The following COL2A1 variants were observed in gnomAD, a reference collection of about 807,000 sequenced individuals.
COL2A1 encodes collagen type II alpha 1 chain.
COL2A1 carries 28 observed loss-of-function variants against 204.5 expected under a neutral mutation model. The ratio of observed to expected loss-of-function variants is 0.14; its 90% CI spans 0.10 to 0.19. COL2A1 has a LOEUF of 0.19. Among genes scored for constraint, COL2A1 ranks in the 10% least tolerant of loss-of-function variants. The pLI, the probability that COL2A1 is intolerant of heterozygous loss-of-function variation, is 1.00. For synonymous variants in COL2A1, 708 were observed against 718.7 expected (o/e 0.99, Z 0.24); for missense variants, 1,388 against 2,027.5 (o/e 0.68, Z 6.06).
At chr12:47,974,517 G>T (rs908185469) in intron 52 of COL2A1, among the ~76,000 whole-genome samples, 158 bp downstream of exon 52, 1 of 151,992 alleles carries the variant, frequency 6.6e-6, no homozygotes, top group African/African-American at 2.4e-5. Context: ...CCACCTCCAC[G>T]TGGGGAAAAA....
Position 47,993,855 on chromosome 12 carries a change from G to A in COL2A1, c.878C>T (p.Pro293Leu). ...CTCTCCCTTAGCACCGTCCAGGCCT[G>A]GATAACCCTAGGGAACAAGAGAAAA... ...LPGVKGHRGY[P>L]GLDGAKGEAG... The change falls in exon 14 of 54, where the codon CCA (proline) becomes CTA (leucine). Residue 293 changes from proline (P) to leucine (L), a missense_variant. Pro to Leu is a moderately conservative substitution (Grantham distance 98). This residue lies in a region of COL2A1 where 884 missense variants were observed against 1,415.8 expected (regional missense o/e 0.62). Transcript: ENST00000380518. 6.2e-7 allele frequency: 1 copy of A among 1,614,148 alleles called. No individual in the cohort carries two copies. Among genetic ancestry groups the A allele is most frequent in the Non-Finnish European group, 8.5e-7 (1 of 1,180,022 alleles).
intron 1 of COL2A1, chr12:48,003,111 T>C (rs1333542763): frequency 6.6e-6 from 1 of 151,970 alleles, no homozygotes; most frequent in Non-Finnish European, 1.5e-5. Flanking sequence ...GAAAAAAAAA[T>C]CCTCTCTACC....
At chr12:47,990,532 GC>G (rs1215031725) in intron 16 of COL2A1, among the ~76,000 whole-genome samples, 1 of 152,144 alleles carries the variant, frequency 6.6e-6, no homozygotes, top group Non-Finnish European at 1.5e-5. Context: ...CTTGGTTAAG[GC>G]CTCCTCTTGG....
intron 1 of COL2A1, among the ~76,000 whole-genome samples, chr12:48,003,867 G>A (rs1940347597): frequency 6.6e-6 from 1 of 152,198 alleles, no homozygotes; most frequent in Non-Finnish European, 1.5e-5. Flanking sequence ...TGCTGAACTC[G>A]AAGTGCTTCG....
Position 47,982,482 on chromosome 12 carries a change from G to T in COL2A1, c.2301+20C>A. The T allele has an allele frequency of 6.3e-7, 1 of 1,589,158 alleles. No homozygotes were observed. The highest frequency in any genetic ancestry group is 1.3e-5 in the African/African-American group (1 of 74,622). The stretch of plus-strand genomic sequence containing the variant: ...GGCAAAGCCACAGCTTTGGTGAGAG[G>T]CTGTAACCTCAGTACTTACCCTGTC... On this transcript the variant is annotated intron_variant, in intron 34 of 53. Transcript: ENST00000380518.
chr12:47,986,583 C>T (rs538443543), intron 22 of COL2A1, 140 bp from the exon 23 acceptor site: 145 of 712,914 alleles, frequency 2.0e-4, no homozygotes, highest in Non-Finnish European at 2.9e-4. Context: ...CCATAAAGGA[C>T]GAGCCATGGC....
chr12:47,998,146 G>A lies in COL2A1; in HGVS notation c.342+23C>T, dbSNP rs775995779. On this transcript the variant is annotated intron_variant, in intron 4 of 53. Transcript: ENST00000380518. ...CATTTAGAGCAGCAGCTGCAATACC[G>A]GGTGAGAATAATTTGCACTTACATC... 6.8e-6 allele frequency: 11 copies of A among 1,614,018 alleles called. No individual in the cohort carries two copies. The African/African-American group carries it at 9.3e-5, about 14-fold the overall frequency.
At position 47,993,073 on chromosome 12, in the gene COL2A1, C is replaced by T; in HGVS notation, c.970-142G>A. On this transcript the variant is annotated intron_variant, in intron 15 of 53. Coordinates refer to ENST00000380518, the MANE Select transcript of COL2A1 (RefSeq NM_001844.5). Reference sequence around the variant, plus strand: ...GGAAAACAAGGACCTCCTGATGGTGCTGGCTCCTTGACTAGCCAGGATGCC... The same window carrying T: ...GGAAAACAAGGACCTCCTGATGGTGTTGGCTCCTTGACTAGCCAGGATGCC... 2.4e-5 allele frequency: 19 copies of T among 800,638 alleles called. No homozygotes were observed. In the South Asian group the frequency reaches 2.8e-4, roughly 12 times the overall value. The allele number at this position is 800,638 out of a possible 1,614,324, so 49.6% of individuals were successfully genotyped here. A position where few individuals can be genotyped will look rare whatever the true frequency, so the allele number is the denominator to read the frequency against.
Position 47,977,421 on chromosome 12 carries a change from G to T in COL2A1, c.3172C>A (p.Arg1058Ser), listed in dbSNP as rs148350640. ...GCTCCCACAGCACCAGTCTCACCAC[G>T]ATCACCCTGTCAGGAGAGAGGTCTC... ...RDGAAGVKGD[R>S]GETGAVGAPG... The change falls in exon 46 of 54, where the codon CGT becomes AGT. Residue 1058 changes from arginine to serine, a missense_variant. This residue lies in a region of COL2A1 where 884 missense variants were observed against 1,415.8 expected (regional missense o/e 0.62). Coordinates refer to ENST00000380518, the MANE Select transcript of COL2A1 (RefSeq NM_001844.5). 1.9e-6 allele frequency: 3 copies of T among 1,612,212 alleles called. No individual in the cohort carries two copies. In the African/African-American group the frequency reaches 4.0e-5, roughly 22 times the overall value.
At chr12:47,995,437 C>A in intron 10 of COL2A1, 129 bp from the exon 11 acceptor site, 1 of 902,710 alleles carries the variant, frequency 1.1e-6, no homozygotes. Flanking sequence ...AAGGTCAGAG[C>A]AAAGGTGCAG....
chr12:47,977,801 C>T, intron 44 of COL2A1, 148 bp from the exon 45 acceptor site: 1 of 1,027,274 alleles, frequency 9.7e-7, no homozygotes, highest in Admixed American at 2.0e-5. Context: ...CCAAGTTTCC[C>T]TCCTCCTTCC....
chr12:47,976,469 A>C lies in COL2A1; in HGVS notation c.3489+45T>G. 1 of 1,596,820 alleles carries C rather than the reference A, an allele frequency of 6.3e-7. No homozygotes were observed. The highest frequency in any genetic ancestry group is 1.7e-4 in the Middle Eastern group (1 of 5,912). ...CCTCCCCATGGGAACACAGGCCCAC[A>C]CTCTCTGAAGGGCCCCCTCCATCTT... On this transcript the variant is annotated intron_variant, in intron 49 of 53. Transcript: ENST00000380518. This position sits in a 1 kb window ranked among gnomAD's most constrained non-coding sequence, Gnocchi z 4.3.
At chr12:47,998,696 G>C (rs79120975) in intron 2 of COL2A1, 4 of 485,926 alleles carry the variant, frequency 8.2e-6, no homozygotes, top group Non-Finnish European at 1.5e-5. Flanking sequence ...AAGGAGCAAG[G>C]GCAGCACAAA....
chr12:47,994,590 C>A, intron 11 of COL2A1, 113 bp from the exon 12 acceptor site: 2 of 1,048,902 alleles, frequency 1.9e-6, no homozygotes, highest in East Asian at 2.5e-5. Context: ...TACCGGCTCA[C>A]TCATCTCCCT....
chr12:47,989,178 G>T, intron 18 of COL2A1, 50 bp downstream of exon 18: 1 of 1,509,344 alleles, frequency 6.6e-7, no homozygotes, highest in Non-Finnish European at 9.1e-7. Flanking sequence ...ACGGGGAAAG[G>T]ACAGCTTCTC....
At chr12:48,000,877 G>A (rs1414000417) in intron 1 of COL2A1, 1 of 152,358 alleles carries the variant, frequency 6.6e-6, no homozygotes, top group African/African-American at 2.4e-5. Flanking sequence ...GAGGCCAGTG[G>A]AGCCAAAGCG....
In COL2A1 at chr12:47,983,758, G is replaced by A. The variant is rs375216835; in HGVS notation, c.1942-22C>T. ...GTCCCTGCAGTGGAAAAGAAAAGGT[G>A]AGCTGAGCCAGTGTTCCAGAGACCC... On this transcript the variant is annotated intron_variant, in intron 29 of 53. Transcript: ENST00000380518. The A allele has an allele frequency of 3.0e-5, 47 of 1,571,884 alleles. No individual in the cohort carries two copies. The African/African-American group carries it at 5.9e-4, about 20-fold the overall frequency.
intron 8 of COL2A1, among the ~76,000 whole-genome samples, chr12:47,996,342 C>T (rs1379303877): frequency 6.6e-6 from 1 of 152,200 alleles, no homozygotes; most frequent in Non-Finnish European, 1.5e-5. Context: ...CTTCATTCTT[C>T]TTAGTCACTC....
In COL2A1 at chr12:47,978,163, C is replaced by T; in HGVS notation, c.3004-46G>A. ...ATGATGAGTGCAAGTGGTAAGCACC[C>T]CTGCCCAGGGCCCACTGACCCTTCA... On this transcript the variant is annotated intron_variant, in intron 43 of 53. Coordinates refer to ENST00000380518, the MANE Select transcript of COL2A1 (RefSeq NM_001844.5). This position sits in a 1 kb window ranked among gnomAD's most constrained non-coding sequence, Gnocchi z 5.5. 6.3e-7 allele frequency: 1 copy of T among 1,591,244 alleles called. No individual in the cohort carries two copies. The highest frequency in any genetic ancestry group is 8.6e-7 in the Non-Finnish European group (1 of 1,164,844).
Sources: gnomAD v4.1 joint callset for allele counts (sites outside exome capture counted in the v4.1 genomes callset) on GRCh38, gnomAD v4.1.1 for gene constraint, gnomAD v4.1.1 regional missense constraint, Gnocchi (gnomAD v3.1) non-coding constraint, MANE v1.5 for transcripts, NCBI Gene and HGNC (gene_info 2026-07-23, HGNC 2026-07-21) for gene names.